ZDHHC7: variants seen among roughly 807,000 people sequenced by gnomAD.
ZDHHC7 encodes the protein zDHHC palmitoyltransferase 7.
A neutral mutation model predicts 34.1 loss-of-function variants in ZDHHC7; 12 were observed. The ratio of observed to expected loss-of-function variants is 0.35; its 90% CI spans 0.23 to 0.57. The LOEUF is 0.57. Among genes scored for constraint, ZDHHC7 ranks in the 20% least tolerant of loss-of-function variants. The pLI is 0.84. For synonymous variants in ZDHHC7, 185 were observed against 155.4 expected, an observed-to-expected ratio of 1.19 and a Z score of -1.42; for missense variants, 388 against 402.7, an observed-to-expected ratio of 0.96 and a Z score of 0.31.
chr16:84,990,576 G>C lies in ZDHHC7; in HGVS notation c.43C>G (p.Pro15Ala), dbSNP rs201164839. ...GHRLRDVEHH[P>A]LLAENDNYDS... The stretch of plus-strand genomic sequence containing the variant: ...TAGTTGTCATTTTCAGCCAGGAGAG[G>C]ATGATGCTCGACGTCCCGGAGCCTG... The change falls in exon 3 of 8, where the codon CCT becomes GCT. Residue 15 changes from proline (P) to alanine (A), a missense_variant. Transcript: ENST00000313732. 1 of 1,614,082 alleles carries C rather than the reference G, an allele frequency of 6.2e-7. No individual in the cohort carries two copies. The highest frequency in any genetic ancestry group is 1.7e-5 in the Admixed American group (1 of 60,006).
chr16:84,975,265 A>C lies in ZDHHC7; in HGVS notation c.*1078T>G, dbSNP rs1308714184. 6.6e-6 allele frequency: 1 copy of C among 152,656 alleles called. No homozygotes were observed. Among genetic ancestry groups the C allele is most frequent in the Admixed American group, 6.5e-5 (1 of 15,274 alleles). The allele number at this position is 152,656 out of a possible 1,614,324, so 9.5% of individuals were successfully genotyped here. A position where few individuals can be genotyped will look rare whatever the true frequency, so the allele number is the denominator to read the frequency against. Reference sequence around the variant, plus strand: ...CTGCGGTGGCACAGTCGCCCCTGCCAGGGGCTGGCTGCCTCATGGTCCCCT... The same window carrying C: ...CTGCGGTGGCACAGTCGCCCCTGCCCGGGGCTGGCTGCCTCATGGTCCCCT... On this transcript the variant is annotated 3_prime_UTR_variant, in exon 8 of 8. Transcript: ENST00000313732.
chr16:85,018,048 T>C, the ZDHHC7 span, among the ~76,000 whole-genome samples: 39,570 of 151,876 alleles, frequency 0.26, 7,086 homozygotes, highest in African/African-American at 0.5. Context: ...TGAGTGTATA[T>C]TGAGGTCCTA....
intron 1 of ZDHHC7, among the ~76,000 whole-genome samples, chr16:84,997,990 G>A (rs1256107438): frequency 6.7e-6 from 1 of 150,130 alleles, no homozygotes; most frequent in Non-Finnish European, 1.5e-5. Flanking sequence ...AATAAAATTA[G>A]AAGATCGGGT....
chr16:84,978,705 A>G (rs1463999166), intron 5 of ZDHHC7, among the ~76,000 whole-genome samples: 2 of 152,126 alleles, frequency 1.3e-5, no homozygotes, highest in African/African-American at 4.8e-5. Flanking sequence ...TCTACGAAAA[A>G]TACAAAATTA....
At chr16:84,991,110 G>A (rs1567499174) in intron 2 of ZDHHC7, among the ~76,000 whole-genome samples, 1 of 152,140 alleles carries the variant, frequency 6.6e-6, no homozygotes, top group Non-Finnish European at 1.5e-5. Context: ...TAAGTCACTG[G>A]TTCTCTATTC....
chr16:84,980,254 C>T (rs959002864), intron 4 of ZDHHC7, among the ~76,000 whole-genome samples: 3 of 151,224 alleles, frequency 2.0e-5, no homozygotes, highest in Admixed American at 6.6e-5. Context: ...CGTGAGCCAC[C>T]GCACCCGCCC....
the ZDHHC7 span, among the ~76,000 whole-genome samples, chr16:85,022,077 G>A: frequency 2.0e-5 from 3 of 149,700 alleles, no homozygotes; most frequent in Non-Finnish European, 3.0e-5. Context: ...GGAGAATGGC[G>A]TGAACCCGGG....
intron 1 of ZDHHC7, among the ~76,000 whole-genome samples, chr16:85,005,993 T>C (rs541725136): frequency 9.2e-5 from 14 of 152,312 alleles, no homozygotes; most frequent in Middle Eastern, 3.4e-3. Flanking sequence ...CTCTAGCCTG[T>C]ACCTCTGCAG....
chr16:84,985,325 T>C (rs1566458), intron 3 of ZDHHC7, among the ~76,000 whole-genome samples: 26,510 of 152,280 alleles, frequency 0.17, 2,637 homozygotes, highest in Admixed American at 0.29. Flanking sequence ...TCGCAGAGCA[T>C]GCTTCCGGTC....
At chr16:84,988,712 G>C in intron 3 of ZDHHC7, 1 of 1,505,858 alleles carries the variant, frequency 6.6e-7, no homozygotes, top group African/African-American at 1.4e-5. Flanking sequence ...GCAAACTGCT[G>C]AGGACTCCCA....
At chr16:84,991,566 G>A (rs992726964) in intron 2 of ZDHHC7, among the ~76,000 whole-genome samples, 1 of 152,072 alleles carries the variant, frequency 6.6e-6, no homozygotes, top group African/African-American at 2.4e-5. Flanking sequence ...GGGATTACAG[G>A]CATGAGCCAC....
intron 1 of ZDHHC7, among the ~76,000 whole-genome samples, chr16:85,002,568 T>G (rs1250567531): frequency 6.6e-6 from 1 of 152,108 alleles, no homozygotes; most frequent in Non-Finnish European, 1.5e-5. Flanking sequence ...AAGGAACGCC[T>G]GAGAAAGCAC....
intron 1 of ZDHHC7, among the ~76,000 whole-genome samples, chr16:85,010,104 C>T (rs1408237515): frequency 6.7e-6 from 1 of 148,592 alleles, no homozygotes; most frequent in Non-Finnish European, 1.5e-5. Flanking sequence ...AGTGCTGTGG[C>T]ATGATCTCAA....
intron 1 of ZDHHC7, among the ~76,000 whole-genome samples, chr16:85,007,958 AC>A (rs2072739560): frequency 6.6e-6 from 1 of 151,968 alleles, no homozygotes; most frequent in Non-Finnish European, 1.5e-5. Flanking sequence ...CCCTATCTCT[AC>A]AAAAAATAAG....
intron 3 of ZDHHC7, among the ~76,000 whole-genome samples, chr16:84,983,635 T>G (rs951341049): frequency 6.6e-6 from 1 of 152,206 alleles, no homozygotes; most frequent in Non-Finnish European, 1.5e-5. Context: ...AAGTGTTTCC[T>G]AACATGCTGC....
rs780111652 is a variant in ZDHHC7, at chr16:84,988,768, G to T, written c.315+1536C>A. The T allele has an allele frequency of 3.9e-6, 6 of 1,551,400 alleles. No individual in the cohort carries two copies. The African/African-American group carries it at 6.8e-5, about 18-fold the overall frequency. ...TGTGCCTACCCCACACTCACAAGCA[G>T]GAGGCTTTGCACAGACTCGGTTCCC... On this transcript the variant is annotated intron_variant, in intron 3 of 7. Coordinates refer to ENST00000313732, the MANE Select transcript of ZDHHC7 (RefSeq NM_017740.3).
intron 1 of ZDHHC7, among the ~76,000 whole-genome samples, chr16:84,997,654 G>A (rs1273385572): frequency 6.6e-6 from 1 of 151,228 alleles, no homozygotes; most frequent in East Asian, 2.0e-4. Context: ...CAGCACTTTG[G>A]GAGGCTGAGG....
chr16:85,002,791 C>G (rs6564092), intron 1 of ZDHHC7, among the ~76,000 whole-genome samples: 57,940 of 151,800 alleles, frequency 0.38, 12,300 homozygotes, highest in African/African-American at 0.54. Flanking sequence ...GAAACCCGGG[C>G]ATGAAGAGAA....
intron 4 of ZDHHC7, 103 bp downstream of exon 4, chr16:84,981,767 G>C (rs765136155): frequency 3.7e-5 from 59 of 1,585,928 alleles, no homozygotes; most frequent in Non-Finnish European, 4.9e-5. Context: ...CCAGATGCTC[G>C]GGGGCCATGT....
Sources: gnomAD v4.1 joint callset for allele counts (sites outside exome capture counted in the v4.1 genomes callset) on GRCh38, gnomAD v4.1.1 for gene constraint, MANE v1.5 for transcripts, NCBI Gene and HGNC (gene_info 2026-07-23, HGNC 2026-07-21) for gene names.